The following L3MBTL4 variants were observed in gnomAD, a reference collection of about 807,000 sequenced individuals.
L3MBTL4 encodes the protein L3MBTL histone methyl-lysine binding protein 4.
In L3MBTL4, 70 loss-of-function variants were observed where a neutral mutation model predicts 84.5. The observed-to-expected ratio is 0.83, with a 90% CI of 0.68 to 1.01. L3MBTL4 has a LOEUF of 1.01. Ranked by LOEUF, L3MBTL4 falls within the 50% of genes least tolerant of loss-of-function variation. L3MBTL4 has a pLI of 0.00. For missense variants in L3MBTL4, 715 were observed against 754.8 expected (o/e 0.95, Z 0.62); for synonymous variants, 274 against 259.8 (o/e 1.05, Z -0.52).
At chr18:6,134,948 C>T (rs2059987738) in intron 14 of L3MBTL4, among the ~76,000 whole-genome samples, 1 of 152,228 alleles carries the variant, frequency 6.6e-6, no homozygotes, top group Non-Finnish European at 1.5e-5. Flanking sequence ...CCACACTGCC[C>T]TAGCAGAGGT....
chr18:6,004,657 C>T (rs554691837), intron 16 of L3MBTL4, among the ~76,000 whole-genome samples: 24 of 151,726 alleles, frequency 1.6e-4, no homozygotes, highest in Admixed American at 1.4e-3. Context: ...ATATATCCAA[C>T]GGGATATTAT....
intron 1 of L3MBTL4, among the ~76,000 whole-genome samples, chr18:6,312,837 T>C (rs1021494898): frequency 1.3e-5 from 2 of 152,206 alleles, no homozygotes; most frequent in Admixed American, 6.5e-5. Context: ...TATGTTGCAG[T>C]CAATCCAAAA....
At chr18:6,209,842 T>C (rs1240375034) in intron 12 of L3MBTL4, among the ~76,000 whole-genome samples, 4 of 152,156 alleles carry the variant, frequency 2.6e-5, no homozygotes, top group African/African-American at 7.2e-5. Context: ...TTTACTACAG[T>C]ATGGATGAAC....
At chr18:6,397,376 T>C (rs1047259305) in intron 1 of L3MBTL4, 5 of 152,240 alleles carry the variant, frequency 3.3e-5, no homozygotes, top group African/African-American at 7.2e-5. Flanking sequence ...TTTTTGTCTA[T>C]AGCTATGTGT....
At chr18:6,321,660 T>C (rs2051409257) in intron 1 of L3MBTL4, among the ~76,000 whole-genome samples, 2 of 152,128 alleles carry the variant, frequency 1.3e-5, no homozygotes, top group South Asian at 4.1e-4. Context: ...AGTACCATCG[T>C]TCAGTGGGTG....
intron 13 of L3MBTL4, among the ~76,000 whole-genome samples, chr18:6,165,093 A>ATG (rs2145087826): frequency 6.6e-6 from 1 of 152,344 alleles, no homozygotes; most frequent in African/African-American, 2.4e-5. Context: ...AATGGAAGGC[A>ATG]AAATGAATGA....
intron 16 of L3MBTL4, among the ~76,000 whole-genome samples, chr18:6,014,296 CCTT>C: frequency 6.6e-6 from 1 of 152,166 alleles, no homozygotes; most frequent in East Asian, 1.9e-4. Context: ...ATAATGTGGG[CCTT>C]CTTCTTTGAA....
intron 16 of L3MBTL4, among the ~76,000 whole-genome samples, chr18:6,074,282 C>T (rs2057787022): frequency 6.6e-6 from 1 of 152,234 alleles, no homozygotes; most frequent in Non-Finnish European, 1.5e-5. Flanking sequence ...TAGAATTTCA[C>T]TTCCAGTGTT....
intron 16 of L3MBTL4, among the ~76,000 whole-genome samples, chr18:5,973,938 T>C (rs2052772405): frequency 6.6e-6 from 1 of 152,244 alleles, no homozygotes; most frequent in South Asian, 2.1e-4. Context: ...CTGGAGGTTT[T>C]AACATTTTAA....
chr18:6,283,720 A>G (rs554321401), intron 4 of L3MBTL4, among the ~76,000 whole-genome samples: 4 of 152,308 alleles, frequency 2.6e-5, no homozygotes, highest in African/African-American at 9.6e-5. Context: ...ATGGGGTAAG[A>G]TATATTATCT....
chr18:6,046,568 C>T (rs531301099), intron 16 of L3MBTL4, among the ~76,000 whole-genome samples: 27 of 152,186 alleles, frequency 1.8e-4, no homozygotes, highest in African/African-American at 4.6e-4. Flanking sequence ...TCTCAGACCA[C>T]GGTGGAATTA....
chr18:6,328,030 A>G lies in L3MBTL4; in HGVS notation c.-90-15974T>C, dbSNP rs75457029. ...AACTGCATTTATTAAGTAAGTTCCT[A>G]CTGTGTGCCAAGCACATGGTGGCAG... On this transcript the variant is annotated intron_variant, in intron 1 of 18. Coordinates refer to ENST00000317931, the MANE Select transcript of L3MBTL4 (RefSeq NM_001330559.2). 1.8e-4 allele frequency among the ~76,000 whole-genome samples: 27 copies of G among 152,360 alleles called. No individual in the cohort carries two copies. The East Asian group carries it at 5.2e-3, about 29-fold the overall frequency.
At chr18:5,960,029 T>C (rs1361846404) in intron 18 of L3MBTL4, 65 bp downstream of exon 18, 20 of 289,464 alleles carry the variant, frequency 6.9e-5, no homozygotes, top group African/African-American at 2.2e-4. Context: ...TATATACATA[T>C]ATATATATAC....
chr18:6,382,463 G>A (rs1010205673), intron 1 of L3MBTL4, among the ~76,000 whole-genome samples: 1 of 152,098 alleles, frequency 6.6e-6, no homozygotes, highest in African/African-American at 2.4e-5. Context: ...CCATCTTTGT[G>A]GATTTATCTA....
chr18:5,999,415 C>T lies in L3MBTL4; in HGVS notation c.1445-29853G>A, dbSNP rs138618402. On this transcript the variant is annotated intron_variant, in intron 16 of 18. Transcript: ENST00000317931. ...TGTAATAGCTGTTTCCACCTTTATG[C>T]CCCCACCAAGGAAGGGCTCACTCTT... Among the ~76,000 whole-genome samples, 204 of 152,260 alleles carry T rather than the reference C, an allele frequency of 1.3e-3. 8 individuals are homozygous for T. The East Asian group carries it at 0.037, about 27-fold the overall frequency.
rs1351864294 is a variant in L3MBTL4 at position 5,969,475 on chromosome 18, A to C, written c.1532T>G (p.Leu511Arg). 1.9e-6 allele frequency: 3 copies of C among 1,614,012 alleles called. No homozygotes were observed. Among genetic ancestry groups the C allele is most frequent in the African/African-American group, 1.3e-5 (1 of 75,008 alleles). Residue 511 changes from leucine (L) to arginine (R), a missense_variant, in exon 17 of 19, where the codon CTC becomes CGC. Physicochemically the swap from Leu to Arg is moderately radical, Grantham distance 102. Coordinates refer to ENST00000317931, the MANE Select transcript of L3MBTL4 (RefSeq NM_001330559.2). The stretch of plus-strand genomic sequence containing the variant: ...CAACTTGCAGTGTTGCTCCCTGCCG[A>C]GGGGAAGGTCCCGAAAAGGGTGGGC... ...VSAHPFRDLPLGREQHCKLLP... is the reference protein window; with the variant it reads ...VSAHPFRDLPRGREQHCKLLP...
intron 15 of L3MBTL4, among the ~76,000 whole-genome samples, chr18:6,083,818 T>C (rs980348067): frequency 1.3e-5 from 2 of 152,188 alleles, no homozygotes; most frequent in Admixed American, 6.5e-5. Context: ...AAGAGGTGCA[T>C]ATGACCTAAA....
chr18:6,010,127 G>A (rs538742928), intron 16 of L3MBTL4, among the ~76,000 whole-genome samples: 85 of 151,240 alleles, frequency 5.6e-4, no homozygotes, highest in Non-Finnish European at 9.4e-4. Context: ...AACAAGGTGC[G>A]AAGTGTTTTT....
chr18:6,290,763 G>C (rs894674665), intron 4 of L3MBTL4, among the ~76,000 whole-genome samples: 7 of 151,842 alleles, frequency 4.6e-5, no homozygotes, highest in Non-Finnish European at 7.4e-5. Flanking sequence ...CCTGACCTCA[G>C]GTGATCCACC....
Sources: gnomAD v4.1 joint callset for allele counts (sites outside exome capture counted in the v4.1 genomes callset) on GRCh38, gnomAD v4.1.1 for gene constraint, MANE v1.5 for transcripts, NCBI Gene and HGNC (gene_info 2026-07-23, HGNC 2026-07-21) for gene names.